LIPJ: variants seen among roughly 807,000 people sequenced by gnomAD.
The protein encoded by LIPJ is lipase family member J, also known as lipase member J.
LIPJ carries 33 observed loss-of-function variants against 39.8 expected under a neutral mutation model. That is an observed-to-expected ratio of 0.83 (90% CI 0.63 to 1.11). The LOEUF is 1.11. Among genes scored for constraint, LIPJ ranks in the 50% least tolerant of loss-of-function variants. The pLI is 0.00. For synonymous variants in LIPJ, 128 were observed against 139.2 expected (o/e 0.92, Z 0.57); for missense variants, 422 against 427.9 (o/e 0.99, Z 0.12).
intron 8 of LIPJ, 51 bp downstream of exon 8, chr10:88,596,987 TATA>T (rs779795311): frequency 8.5e-6 from 9 of 1,056,672 alleles, no homozygotes; most frequent in East Asian, 2.5e-5. Flanking sequence ...ATTTGGAAAG[TATA>T]ATAATAATAG....
chr10:88,613,800 A>ATATATATATATTTGTG, the LIPJ span, among the ~76,000 whole-genome samples: 1 of 74,172 alleles, frequency 1.3e-5, no homozygotes, highest in East Asian at 4.1e-4. Context: ...ATATATATAT[A>ATATATATATATTTGTG]TGTGTGTGTG....
chr10:88,584,162 A>G (rs1850823873), upstream of LIPJ: 1 of 152,196 alleles, frequency 6.6e-6, no homozygotes, highest in Non-Finnish European at 1.5e-5. Flanking sequence ...AAATCAGAAT[A>G]TTTACTTCAT....
At chr10:88,594,888 T>G in intron 6 of LIPJ, 112 bp downstream of exon 6, 1 of 449,960 alleles carries the variant, frequency 2.2e-6, no homozygotes, top group South Asian at 5.6e-5. Context: ...ACAAAAACTG[T>G]GAGACAAACA....
At chr10:88,612,751 C>G in the LIPJ span, among the ~76,000 whole-genome samples, 1 of 151,978 alleles carries the variant, frequency 6.6e-6, no homozygotes, top group Non-Finnish European at 1.5e-5. Context: ...TACGACTAGA[C>G]CTAAGAAATG....
chr10:88,613,798 A>ATGTGTGTG, the LIPJ span, among the ~76,000 whole-genome samples: 3 of 52,038 alleles, frequency 5.8e-5, no homozygotes, highest in Non-Finnish European at 1.2e-4. Context: ...ATATATATAT[A>ATGTGTGTG]TATGTGTGTG....
chr10:88,594,776 G>A, exon 6 of LIPJ: 2 of 1,347,768 alleles, frequency 1.5e-6, no homozygotes, highest in Non-Finnish European at 2.0e-6. Context: ...TACTACTATT[G>A]GTATGCCAAG....
In LIPJ at chr10:88,599,233, G is replaced by GT. The variant is rs756243159; in HGVS notation, c.723+2300dup. ...ATTGTGAAATAATTGCCACAATCAAGTTTAACACATCTATCACCTCACATA... is the reference window on the plus strand; with the variant it reads ...ATTGTGAAATAATTGCCACAATCAAGTTTTAACACATCTATCACCTCACATA... On this transcript the variant is annotated intron_variant, in intron 8 of 10. Coordinates refer to ENST00000371939, the Ensembl canonical transcript of LIPJ. Among the ~76,000 whole-genome samples, 29 of 151,760 alleles carry GT rather than the reference G, an allele frequency of 1.9e-4. No homozygotes were observed. In the East Asian group the frequency reaches 3.3e-3, roughly 17 times the overall value.
chr10:88,609,635 G>A (rs574066487), downstream of LIPJ, among the ~76,000 whole-genome samples: 30 of 152,238 alleles, frequency 2.0e-4, no homozygotes, highest in East Asian at 7.7e-4. Flanking sequence ...GTGCAGTGGC[G>A]CACGCCTGTA....
chr10:88,599,208 AT>A (rs1824082319), intron 8 of LIPJ, among the ~76,000 whole-genome samples: 1 of 151,680 alleles, frequency 6.6e-6, no homozygotes. Context: ...AAATAAATAC[AT>A]TGTGAAATAA....
chr10:88,586,676 T>C (rs1850927314), upstream of LIPJ: 1 of 152,196 alleles, frequency 6.6e-6, no homozygotes, highest in Non-Finnish European at 1.5e-5. Flanking sequence ...TTGTTTATCC[T>C]ACTAGAATTT....
chr10:88,617,523 G>A, the LIPJ span, among the ~76,000 whole-genome samples: 15 of 152,212 alleles, frequency 9.9e-5, no homozygotes, highest in African/African-American at 3.4e-4. Context: ...ACTGACATAA[G>A]AACGGAGAAG....
chr10:88,597,919 C>A (rs1851317081), intron 8 of LIPJ, among the ~76,000 whole-genome samples: 1 of 151,766 alleles, frequency 6.6e-6, no homozygotes, highest in South Asian at 2.1e-4. Flanking sequence ...TTGGCCAATT[C>A]TATATTTTTT....
chr10:88,605,597 C>A, intron 9 of LIPJ, 36 bp from the exon 10 acceptor site: 1 of 1,456,288 alleles, frequency 6.9e-7, no homozygotes, highest in African/African-American at 1.4e-5. Flanking sequence ...CTGTAATGAA[C>A]AAATGATATG....
At position 88,596,791 on chromosome 10, in the gene LIPJ, C is replaced by CT; in HGVS notation, c.583dup (p.Ser195PhefsTer9). 1.3e-6 allele frequency: 2 copies of CT among 1,598,650 alleles called. No individual in the cohort carries two copies. Among genetic ancestry groups the CT allele is most frequent in the South Asian group, 1.1e-5 (1 of 88,470 alleles). On this transcript the variant is annotated frameshift_variant and splice_region_variant, in exon 8 of 11. Coordinates refer to ENST00000371939, the Ensembl canonical transcript of LIPJ. LOFTEE classifies it high-confidence loss of function. ...GGATAAAATAAATTTATTTTACAGG[C>CT]TTTTTCAGGCAACAAAGACTTCTTG...
intron 5 of LIPJ, 33 bp downstream of exon 5, chr10:88,594,177 T>G: frequency 6.5e-7 from 1 of 1,528,142 alleles, no homozygotes; most frequent in Non-Finnish European, 8.9e-7. Flanking sequence ...TTTCATTTTA[T>G]AAGTGTATAC....
At chr10:88,585,214 A>G (rs916708359), upstream of LIPJ, among the ~76,000 whole-genome samples, 8 of 152,226 alleles carry the variant, frequency 5.3e-5, no homozygotes, top group Admixed American at 2.6e-4. Flanking sequence ...AAGGTTACCT[A>G]TCATCTCAAC....
At chr10:88,609,514 G>A (rs953908608), downstream of LIPJ, among the ~76,000 whole-genome samples, 17 of 152,146 alleles carry the variant, frequency 1.1e-4, 1 homozygote, top group Non-Finnish European at 5.9e-5. Context: ...TCTGATAATG[G>A]TGGACTAAAT....
chr10:88,618,219 C>G, the LIPJ span: 2 of 149,278 alleles, frequency 1.3e-5, no homozygotes, highest in East Asian at 3.9e-4. Flanking sequence ...TGGTAGATAC[C>G]TTGTTTTATC....
chr10:88,588,913 T>C (rs1197782526), intron 2 of LIPJ, among the ~76,000 whole-genome samples: 1 of 151,836 alleles, frequency 6.6e-6, no homozygotes, highest in Non-Finnish European at 1.5e-5. Flanking sequence ...ACATTTCCCA[T>C]TGGTGGTTAT....
Sources: gnomAD v4.1 joint callset for allele counts (sites outside exome capture counted in the v4.1 genomes callset) on GRCh38, gnomAD v4.1.1 for gene constraint, MANE v1.5 for transcripts, NCBI Gene and HGNC (gene_info 2026-07-23, HGNC 2026-07-21) for gene names.